The following RBMS3 variants were observed in gnomAD, a reference collection of about 807,000 sequenced individuals.
The protein encoded by RBMS3 is RNA binding motif single stranded interacting protein 3.
Under a neutral mutation model 66.8 loss-of-function variants are expected in RBMS3, and 27 were observed. The observed-to-expected ratio is 0.40, with a 90% CI of 0.30 to 0.56. The LOEUF is 0.56. Among genes scored for constraint, RBMS3 ranks in the 20% least tolerant of loss-of-function variants. RBMS3 has a pLI of 0.40. For missense variants in RBMS3, 513 were observed against 549.5 expected (o/e 0.93, Z 0.66); for synonymous variants, 188 against 183.0 (o/e 1.03, Z -0.22).
intron 1 of RBMS3, among the ~76,000 whole-genome samples, chr3:29,284,739 T>G (rs908909592): frequency 1.3e-5 from 2 of 152,050 alleles, no homozygotes; most frequent in African/African-American, 4.8e-5. Flanking sequence ...TAAGTTAAGA[T>G]GAAAACCCAG....
intron 3 of RBMS3, among the ~76,000 whole-genome samples, chr3:29,503,640 G>A (rs2044063795): frequency 6.6e-6 from 1 of 152,068 alleles, no homozygotes; most frequent in Non-Finnish European, 1.5e-5. Flanking sequence ...ACCATTGTCT[G>A]TGTTAATTTT....
intron 1 of RBMS3, among the ~76,000 whole-genome samples, chr3:29,337,417 T>C (rs2036017621): frequency 6.6e-6 from 1 of 151,958 alleles, no homozygotes; most frequent in South Asian, 2.1e-4. Flanking sequence ...GGTGGGAGGA[T>C]TGCTTGAGGC....
rs1303804894 is a variant in RBMS3, at chr3:30,006,992, A to AGTT, written c.*3131_*3133dup. ...GTTCATGTGTGTTTTGTGTTTGGAT[A>AGTT]GTTTATATCATGCCATTCTATAAAA... On this transcript the variant is annotated 3_prime_UTR_variant, in exon 15 of 15. Transcript: ENST00000383767. 2 of 152,030 alleles carry AGTT rather than the reference A, an allele frequency of 1.3e-5. No homozygotes were observed. The highest frequency in any genetic ancestry group is 2.4e-5 in the African/African-American group (1 of 41,426). 9.4% of individuals were successfully genotyped at this position (152,030 alleles called of 1,614,324 possible).
intron 1 of RBMS3, among the ~76,000 whole-genome samples, chr3:29,290,128 C>T (rs888907367): frequency 2.0e-5 from 3 of 151,782 alleles, no homozygotes; most frequent in Non-Finnish European, 4.4e-5. Flanking sequence ...AGGCTATTGT[C>T]GATGTCTGTA....
chr3:29,981,066 T>C (rs971413450), intron 12 of RBMS3, among the ~76,000 whole-genome samples: 17 of 152,348 alleles, frequency 1.1e-4, no homozygotes, highest in African/African-American at 4.1e-4. Context: ...TCCATGAGCA[T>C]GGAATGTTTT....
At chr3:29,968,573 C>T (rs1333893725) in intron 12 of RBMS3, among the ~76,000 whole-genome samples, 1 of 152,208 alleles carries the variant, frequency 6.6e-6, no homozygotes, top group Non-Finnish European at 1.5e-5. Flanking sequence ...TAACTTGACT[C>T]AGCTCCAGGT....
intron 10 of RBMS3, 128 bp from the exon 11 acceptor site, chr3:29,935,958 A>G: frequency 1.4e-6 from 1 of 739,572 alleles, no homozygotes; most frequent in Non-Finnish European, 2.2e-6. Context: ...ATACAGTTGA[A>G]TTTAGCCTTT....
At chr3:29,982,382 A>AT (rs1330630090) in intron 12 of RBMS3, among the ~76,000 whole-genome samples, 2 of 152,070 alleles carry the variant, frequency 1.3e-5, no homozygotes, top group African/African-American at 4.8e-5. Context: ...GGATTCATTG[A>AT]TTTTTTGAAG....
chr3:29,836,429 G>A (rs114546090), intron 6 of RBMS3, among the ~76,000 whole-genome samples: 2,122 of 152,064 alleles, frequency 0.014, 45 homozygotes, highest in African/African-American at 0.048. Context: ...CAAGTGGTAT[G>A]TATCACTGGG....
intron 2 of RBMS3, among the ~76,000 whole-genome samples, chr3:29,475,790 T>A (rs932108115): frequency 1.3e-5 from 2 of 152,100 alleles, no homozygotes; most frequent in African/African-American, 4.8e-5. Flanking sequence ...CTTTGGATTG[T>A]GAGAGTACAG....
chr3:29,971,659 C>G (rs1697234167), intron 12 of RBMS3, among the ~76,000 whole-genome samples: 1 of 152,060 alleles, frequency 6.6e-6, no homozygotes, highest in Non-Finnish European at 1.5e-5. Flanking sequence ...TTCATTCACT[C>G]AACAAATATA....
At chr3:29,296,689 T>G (rs2033291170) in intron 1 of RBMS3, among the ~76,000 whole-genome samples, 1 of 151,808 alleles carries the variant, frequency 6.6e-6, no homozygotes, top group Admixed American at 6.6e-5. Context: ...TGGGAGATCA[T>G]AAAGTCTCAA....
chr3:29,318,359 A>T (rs1053545006), intron 1 of RBMS3, among the ~76,000 whole-genome samples: 1 of 151,900 alleles, frequency 6.6e-6, no homozygotes, highest in African/African-American at 2.4e-5. Flanking sequence ...ATGATCATTC[A>T]CAAAGATGCA....
chr3:29,901,277 TC>T lies in RBMS3; in HGVS notation c.939+1524del, dbSNP rs2060246728. 4.0e-5 allele frequency among the ~76,000 whole-genome samples: 6 copies of T among 151,862 alleles called. No homozygotes were observed. The South Asian group carries it at 1.2e-3, about 32-fold the overall frequency. ...AGCCAACGGAGGAAAAGGAAAGAAG[TC>T]CTGCCAAGTTCTCAAAAGGAGACTT... is the stretch of plus-strand genomic sequence containing the variant. On this transcript the variant is annotated intron_variant, in intron 10 of 14. Transcript: ENST00000383767.
At position 29,506,984 on chromosome 3, in the gene RBMS3, A is replaced by G. The variant is rs148728787; in HGVS notation, c.307+18485A>G. 3.6e-3 allele frequency among the ~76,000 whole-genome samples: 542 copies of G among 150,470 alleles called. 3 individuals carry two copies. Among genetic ancestry groups the G allele is most frequent in the Non-Finnish European group, 6.2e-3 (422 of 67,546 alleles). On this transcript the variant is annotated intron_variant, in intron 3 of 14. Transcript: ENST00000383767. ...CTTTCTTTTTGTTCTTTGTTGGTCTAGCTAAAGGTTTGTCAATTTTGTTTG... is the reference window on the plus strand; with the variant it reads ...CTTTCTTTTTGTTCTTTGTTGGTCTGGCTAAAGGTTTGTCAATTTTGTTTG...
At chr3:29,798,513 G>A (rs1230146476) in intron 6 of RBMS3, among the ~76,000 whole-genome samples, 1 of 152,084 alleles carries the variant, frequency 6.6e-6, no homozygotes, top group Non-Finnish European at 1.5e-5. Context: ...CCTGAAATCA[G>A]TTTTGTCTCT....
chr3:29,750,058 G>T (rs2055102552), intron 5 of RBMS3, among the ~76,000 whole-genome samples: 1 of 152,126 alleles, frequency 6.6e-6, no homozygotes, highest in South Asian at 2.1e-4. Flanking sequence ...AAATATAAAA[G>T]AGTCAGTAAT....
intron 1 of RBMS3, among the ~76,000 whole-genome samples, chr3:29,330,425 C>G (rs2035584498): frequency 6.6e-6 from 1 of 152,144 alleles, no homozygotes; most frequent in African/African-American, 2.4e-5. Context: ...TTAAACTAAA[C>G]TACTTTATCT....
At chr3:29,650,894 TATC>T (rs2050121360) in intron 4 of RBMS3, among the ~76,000 whole-genome samples, 1 of 152,224 alleles carries the variant, frequency 6.6e-6, no homozygotes, top group Non-Finnish European at 1.5e-5. Flanking sequence ...ATTTAATTAA[TATC>T]ATGTTGTGTT....
Sources: gnomAD v4.1 joint callset for allele counts (sites outside exome capture counted in the v4.1 genomes callset) on GRCh38, gnomAD v4.1.1 for gene constraint, MANE v1.5 for transcripts, NCBI Gene and HGNC (gene_info 2026-07-23, HGNC 2026-07-21) for gene names.